RPS29: variants seen among roughly 807,000 people sequenced by gnomAD.
The protein encoded by RPS29 is ribosomal protein S29, also known as small ribosomal subunit protein uS14.
For missense variants in RPS29, 60 were observed against 75.7 expected, an observed-to-expected ratio of 0.79 and a Z score of 0.77; for synonymous variants, 37 against 26.9, an observed-to-expected ratio of 1.37 and a Z score of -1.16.
At chr14:49,574,059 A>C (rs938987080) in exon 3 of RPS29, 9 of 152,234 alleles carry the variant, frequency 5.9e-5, no homozygotes, top group African/African-American at 2.2e-4. Flanking sequence ...GTTATTATTT[A>C]GGAAATGAAA....
At chr14:49,584,936 C>CA (rs1202492698) in intron 2 of RPS29, among the ~76,000 whole-genome samples, 2 of 135,366 alleles carry the variant, frequency 1.5e-5, no homozygotes, top group Admixed American at 1.5e-4. Context: ...GTTTCACAGT[C>CA]AAAAGTTTCA....
At chr14:49,586,200 C>G (rs568922731) in intron 1 of RPS29, 85 bp downstream of exon 1, 2 of 1,464,190 alleles carry the variant, frequency 1.4e-6, no homozygotes, top group African/African-American at 1.4e-5. Flanking sequence ...CTCCCTCGTG[C>G]CGCCCGTGGC....
chr14:49,597,901 A>G (rs1881870852), intron 1 of RPS29: 1 of 152,396 alleles, frequency 6.6e-6, no homozygotes, highest in African/African-American at 2.4e-5. Context: ...TGCCTGCCTC[A>G]GCCCCGCAAA....
At chr14:49,590,800 C>T (rs532902088), upstream of RPS29, among the ~76,000 whole-genome samples, 84 of 152,068 alleles carry the variant, frequency 5.5e-4, no homozygotes, top group Middle Eastern at 3.4e-3. Flanking sequence ...AAGCGATTCT[C>T]CTGCCTCAGT....
downstream of RPS29, among the ~76,000 whole-genome samples, chr14:49,581,001 G>A (rs1425758461): frequency 6.6e-6 from 1 of 151,838 alleles, no homozygotes; most frequent in African/African-American, 2.4e-5. Context: ...GCCATTGGCC[G>A]GCATGGAGAA....
At chr14:49,596,090 A>T (rs1881816457) in intron 1 of RPS29, among the ~76,000 whole-genome samples, 1 of 152,194 alleles carries the variant, frequency 6.6e-6, no homozygotes, top group Non-Finnish European at 1.5e-5. Context: ...AAAGCCAGGG[A>T]AATAAATGAA....
chr14:49,591,917 G>A (rs534556737), intron 1 of RPS29, among the ~76,000 whole-genome samples: 3 of 152,056 alleles, frequency 2.0e-5, no homozygotes, highest in African/African-American at 7.2e-5. Context: ...ACCACGCCCG[G>A]CCCCAATTTG....
chr14:49,573,830 C>G (rs1482942372), exon 3 of RPS29: 1 of 152,152 alleles, frequency 6.6e-6, no homozygotes, highest in African/African-American at 2.4e-5. Flanking sequence ...AGTTAATTAC[C>G]ATCAAAGGAA....
downstream of RPS29, among the ~76,000 whole-genome samples, chr14:49,583,160 C>T (rs777623283): frequency 3.3e-5 from 5 of 152,092 alleles, no homozygotes; most frequent in Non-Finnish European, 7.3e-5. Flanking sequence ...ATAAAATTGG[C>T]ATTTACCAGT....
downstream of RPS29, chr14:49,583,471 A>G: frequency 2.0e-6 from 1 of 508,104 alleles, no homozygotes; most frequent in Non-Finnish European, 3.4e-6. Context: ...GCGCCACTGC[A>G]CTCCAGCCTG....
At chr14:49,577,636 A>G in exon 3 of RPS29, 1 of 715,644 alleles carries the variant, frequency 1.4e-6, no homozygotes, top group Non-Finnish European at 2.5e-6. Context: ...AATGTTGGGC[A>G]TAGATCTGGC....
intron 1 of RPS29, chr14:49,597,379 A>T (rs1881854786): frequency 1.3e-5 from 2 of 151,768 alleles, no homozygotes; most frequent in Non-Finnish European, 2.9e-5. Context: ...CTCTAATGAA[A>T]ATTATAACAG....
intron 1 of RPS29, among the ~76,000 whole-genome samples, chr14:49,596,029 G>GAGGA (rs1881814928): frequency 1.4e-5 from 2 of 147,408 alleles, no homozygotes; most frequent in African/African-American, 5.0e-5. Flanking sequence ...AGGAGGGAGG[G>GAGGA]AGGGAGGGAG....
downstream of RPS29, among the ~76,000 whole-genome samples, chr14:49,582,526 CATT>C (rs1219036290): frequency 2.0e-5 from 3 of 152,196 alleles, no homozygotes; most frequent in African/African-American, 7.2e-5. Flanking sequence ...AAATAATGCA[CATT>C]ATTATGTATT....
downstream of RPS29, among the ~76,000 whole-genome samples, chr14:49,583,068 G>A (rs555876971): frequency 6.6e-6 from 1 of 152,096 alleles, no homozygotes; most frequent in African/African-American, 2.4e-5. Context: ...TGGTCTCCTG[G>A]GCTCAAGCAA....
At chr14:49,583,997 T>A (rs1200835479) in intron 2 of RPS29, among the ~76,000 whole-genome samples, 1 of 152,168 alleles carries the variant, frequency 6.6e-6, no homozygotes, top group African/African-American at 2.4e-5. Flanking sequence ...CATCATTTTT[T>A]TTTTGAGAGA....
At chr14:49,575,503 G>A (rs1881155959) in exon 3 of RPS29, 1 of 152,156 alleles carries the variant, frequency 6.6e-6, no homozygotes, top group African/African-American at 2.4e-5. Flanking sequence ...GGTCCAGTCT[G>A]GAATCTGCTC....
downstream of RPS29, among the ~76,000 whole-genome samples, chr14:49,580,444 T>C (rs1048779595): frequency 2.6e-5 from 4 of 152,192 alleles, no homozygotes; most frequent in African/African-American, 4.8e-5. Flanking sequence ...TATCATCACA[T>C]ACACCTGGGG....
At chr14:49,581,660 T>G (rs996860801), downstream of RPS29, among the ~76,000 whole-genome samples, 13 of 151,996 alleles carry the variant, frequency 8.6e-5, no homozygotes, top group African/African-American at 2.4e-4. Flanking sequence ...AATACAGGAG[T>G]GAGCCACTAC....
Sources: gnomAD v4.1 joint callset for allele counts (sites outside exome capture counted in the v4.1 genomes callset) on GRCh38, gnomAD v4.1.1 for gene constraint, MANE v1.5 for transcripts, NCBI Gene and HGNC (gene_info 2026-07-23, HGNC 2026-07-21) for gene names.